Variants in ATXN7L1 observed in about 807,000 individuals in gnomAD.
ATXN7L1 encodes the protein ataxin-7-like protein 1.
Under a neutral mutation model 70.8 loss-of-function variants are expected in ATXN7L1, and 15 were observed. The observed-to-expected ratio is 0.21, with a 90% confidence interval of 0.14 to 0.33. The LOEUF (loss-of-function observed/expected upper bound fraction) is 0.33, where lower values mean the gene tolerates loss of function less well. Among genes scored for constraint, ATXN7L1 ranks in the 10% least tolerant of loss-of-function variants. The pLI is 1.00. For missense variants in ATXN7L1, 975 were observed against 1,097.1 expected (o/e 0.89, Z 1.57); for synonymous variants, 440 against 445.1 (o/e 0.99, Z 0.14).
intron 4 of ATXN7L1, among the ~76,000 whole-genome samples, chr7:105,648,643 G>A (rs2115965846): frequency 1.3e-5 from 2 of 152,128 alleles, no homozygotes; most frequent in East Asian, 3.9e-4. Flanking sequence ...TGCCTATGCT[G>A]CAGCCACAGT....
chr7:105,872,853 A>G (rs951508712), intron 2 of ATXN7L1, among the ~76,000 whole-genome samples: 1 of 151,976 alleles, frequency 6.6e-6, no homozygotes, highest in South Asian at 2.1e-4. Flanking sequence ...AAAAAAAAAA[A>G]CATCAAAATC....
At chr7:105,620,034 G>T (rs1160157559) in intron 9 of ATXN7L1, among the ~76,000 whole-genome samples, 166 bp downstream of exon 9, 1 of 152,268 alleles carries the variant, frequency 6.6e-6, no homozygotes, top group South Asian at 2.1e-4. Context: ...AAAACCTTCA[G>T]GCAAACCATT....
chr7:105,777,969 GTATTTGTT>G (rs1414091220), intron 3 of ATXN7L1, among the ~76,000 whole-genome samples: 1 of 152,170 alleles, frequency 6.6e-6, no homozygotes, highest in Non-Finnish European at 1.5e-5. Flanking sequence ...GCTTGATCAT[GTATTTGTT>G]TATGTTATTT....
At chr7:105,749,652 T>A (rs1798964876) in intron 3 of ATXN7L1, among the ~76,000 whole-genome samples, 1 of 151,472 alleles carries the variant, frequency 6.6e-6, no homozygotes, top group African/African-American at 2.4e-5. Context: ...AGAGGTTGTA[T>A]CCCTTAATAT....
chr7:105,699,233 A>G (rs1209599126), intron 3 of ATXN7L1, among the ~76,000 whole-genome samples: 1 of 152,154 alleles, frequency 6.6e-6, no homozygotes, highest in East Asian at 1.9e-4. Context: ...CCCAGGTTCA[A>G]GTGATTCTCC....
chr7:105,830,448 G>A (rs1306716878), intron 2 of ATXN7L1, among the ~76,000 whole-genome samples: 1 of 152,246 alleles, frequency 6.6e-6, no homozygotes, highest in Non-Finnish European at 1.5e-5. Flanking sequence ...TGGCGGGTGT[G>A]GGGTATGGCC....
chr7:105,816,259 C>A (rs1220339383), intron 2 of ATXN7L1, among the ~76,000 whole-genome samples: 1 of 152,030 alleles, frequency 6.6e-6, no homozygotes, highest in East Asian at 1.9e-4. Context: ...AGAGGTTGTT[C>A]TGGGGAGAGG....
rs1290706943 is a variant in ATXN7L1, at chr7:105,858,201, A to T, written c.250+17611T>A. Among the ~76,000 whole-genome samples the T allele has an allele frequency of 4.6e-5, 7 of 152,332 alleles. No individual in the cohort carries two copies. In the East Asian group the frequency reaches 1.2e-3, roughly 25 times the overall value. On this transcript the variant is annotated intron_variant, in intron 2 of 11. Transcript: ENST00000419735. Reference sequence around the variant, plus strand: ...AGCTATGATCATGCCACTGCACTTCAGCCTGGGCAACAGAATGAGACTCTG... The same window carrying T: ...AGCTATGATCATGCCACTGCACTTCTGCCTGGGCAACAGAATGAGACTCTG...
chr7:105,710,822 A>G (rs1309494298), intron 3 of ATXN7L1, among the ~76,000 whole-genome samples: 2 of 152,152 alleles, frequency 1.3e-5, no homozygotes, highest in Non-Finnish European at 2.9e-5. Context: ...GTATTAGTCC[A>G]TTTTCATGCT....
intron 2 of ATXN7L1, among the ~76,000 whole-genome samples, chr7:105,802,314 C>A (rs1479251705): frequency 6.6e-6 from 1 of 152,162 alleles, no homozygotes; most frequent in Non-Finnish European, 1.5e-5. Context: ...GACAATCAAT[C>A]TCTCATCTCT....
intron 1 of ATXN7L1, 94 bp downstream of exon 1, chr7:105,876,284 T>C: frequency 7.2e-7 from 1 of 1,389,034 alleles, no homozygotes; most frequent in Non-Finnish European, 9.6e-7. Context: ...CGGGGGCCAC[T>C]CTCTCTCTCA....
intron 3 of ATXN7L1, among the ~76,000 whole-genome samples, chr7:105,673,083 C>A (rs1804023971): frequency 6.6e-6 from 1 of 152,210 alleles, no homozygotes; most frequent in Non-Finnish European, 1.5e-5. Flanking sequence ...CAGCTGTCAG[C>A]ATCCCAAAAA....
chr7:105,782,350 C>T (rs1311474597), intron 3 of ATXN7L1, among the ~76,000 whole-genome samples: 2 of 152,190 alleles, frequency 1.3e-5, no homozygotes, highest in African/African-American at 4.8e-5. Flanking sequence ...ACCTAAGGGA[C>T]TTTAGAAACA....
At chr7:105,641,567 C>T (rs933493360) in intron 5 of ATXN7L1, among the ~76,000 whole-genome samples, 7 of 152,374 alleles carry the variant, frequency 4.6e-5, no homozygotes, top group Admixed American at 1.3e-4. Flanking sequence ...AAGCCACGGC[C>T]GTGCTTCTGC....
intron 6 of ATXN7L1, 150 bp from the exon 7 acceptor site, chr7:105,638,759 G>A (rs1797732898): frequency 1.9e-6 from 2 of 1,054,802 alleles, no homozygotes; most frequent in Non-Finnish European, 2.7e-6. Context: ...TCTGTGGCTA[G>A]GAAGAGGCAG....
chr7:105,743,073 T>C (rs1406946741), intron 3 of ATXN7L1, among the ~76,000 whole-genome samples: 1 of 152,148 alleles, frequency 6.6e-6, no homozygotes, highest in Non-Finnish European at 1.5e-5. Flanking sequence ...TCTTTTCCTC[T>C]CCTGGTCAGA....
At chr7:105,856,295 A>G (rs1815711058) in intron 2 of ATXN7L1, among the ~76,000 whole-genome samples, 1 of 152,212 alleles carries the variant, frequency 6.6e-6, no homozygotes, top group Admixed American at 6.5e-5. Flanking sequence ...ATCTACAAAA[A>G]AGAATTTAGG....
At chr7:105,845,864 G>T (rs1440127987) in intron 2 of ATXN7L1, among the ~76,000 whole-genome samples, 1 of 152,022 alleles carries the variant, frequency 6.6e-6, no homozygotes, top group Non-Finnish European at 1.5e-5. Flanking sequence ...AAGAATTTTG[G>T]CCCCTACTTC....
chr7:105,816,722 G>A (rs988992875), intron 2 of ATXN7L1, among the ~76,000 whole-genome samples: 2 of 152,222 alleles, frequency 1.3e-5, no homozygotes, highest in Non-Finnish European at 2.9e-5. Flanking sequence ...GAATGCTCTG[G>A]AAGGTTCGTT....
Sources: gnomAD v4.1 joint callset for allele counts (sites outside exome capture counted in the v4.1 genomes callset) on GRCh38, gnomAD v4.1.1 for gene constraint, MANE v1.5 for transcripts, NCBI Gene and HGNC (gene_info 2026-07-23, HGNC 2026-07-21) for gene names.